EYS: variants seen among roughly 807,000 people sequenced by gnomAD.
The protein encoded by EYS is EGF-like photoreceptor maintenance factor.
In EYS, 250 loss-of-function variants were observed where a neutral mutation model predicts 282.1. That is an observed-to-expected ratio of 0.89 (90% CI 0.80 to 0.98). The LOEUF (loss-of-function observed/expected upper bound fraction) is 0.98. Ranked by LOEUF, EYS falls within the 50% of genes least tolerant of loss-of-function variation. The pLI is 0.00. For missense variants in EYS, 4,016 were observed against 3,709.0 expected (o/e 1.08, Z -2.15); for synonymous variants, 1,355 against 1,282.9 (o/e 1.06, Z -1.20).
intron 14 of EYS, among the ~76,000 whole-genome samples, chr6:64,992,392 T>C (rs934504524): frequency 4.0e-5 from 6 of 151,852 alleles, no homozygotes; most frequent in African/African-American, 1.5e-4. Context: ...TTCTCTAAGC[T>C]TACAAGTTGT....
At chr6:64,155,787 T>C (rs1582354396) in intron 31 of EYS, among the ~76,000 whole-genome samples, 1 of 152,108 alleles carries the variant, frequency 6.6e-6, no homozygotes, top group African/African-American at 2.4e-5. Flanking sequence ...ATTTTTAAAA[T>C]ATTGCATTGT....
chr6:65,406,042 T>C (rs1766722329), intron 5 of EYS, among the ~76,000 whole-genome samples: 1 of 152,124 alleles, frequency 6.6e-6, no homozygotes, highest in South Asian at 2.1e-4. Context: ...CCACCAGTGA[T>C]GTGTCAGATT....
At chr6:63,925,014 A>G (rs924006474) in intron 35 of EYS, among the ~76,000 whole-genome samples, 7 of 152,188 alleles carry the variant, frequency 4.6e-5, no homozygotes. Flanking sequence ...TCATATGTAT[A>G]GTTTGGGTTT....
chr6:65,340,701 A>C (rs1198328102), intron 10 of EYS, among the ~76,000 whole-genome samples: 4 of 151,142 alleles, frequency 2.6e-5, no homozygotes, highest in Admixed American at 1.3e-4. Context: ...AACTTTCCAC[A>C]ACTTCTCCCA....
intron 5 of EYS, among the ~76,000 whole-genome samples, chr6:65,430,290 A>G (rs10455581): frequency 0.2 from 30,259 of 152,108 alleles, 3,768 homozygotes; most frequent in Non-Finnish European, 0.26. Flanking sequence ...GAGCAGAAAG[A>G]AAAACCAGAC....
chr6:63,721,790 A>G lies in EYS; in HGVS notation c.8241T>C (p.Phe2747=). The stretch of plus-strand genomic sequence containing the variant: ...AACTATTTACTAAAGAGATGCATAA[A>G]AAATCACCTGCAAGAAAGCAAACAG... ...AQHLKAQSGD[F]LCISLVNSSV... The change falls in exon 43 of 43, where the codon TTT becomes TTC. Residue 2747 remains phenylalanine, a synonymous_variant. Coordinates refer to ENST00000503581, the MANE Select transcript of EYS (RefSeq NM_001142800.2). 6.5e-7 allele frequency: 1 copy of G among 1,540,372 alleles called. No homozygotes were observed. The highest frequency in any genetic ancestry group is 8.8e-7 in the Non-Finnish European group (1 of 1,141,422).
At chr6:63,798,985 G>GTATATATATATATA (rs1211498823) in intron 37 of EYS, among the ~76,000 whole-genome samples, 9 of 87,514 alleles carry the variant, frequency 1.0e-4, no homozygotes, top group African/African-American at 3.3e-4. Flanking sequence ...ATGTATATGT[G>GTATATATATATATA]TGTATATATA....
At chr6:65,181,678 T>C (rs979978938) in intron 12 of EYS, among the ~76,000 whole-genome samples, 1 of 152,134 alleles carries the variant, frequency 6.6e-6, no homozygotes, top group East Asian at 1.9e-4. Flanking sequence ...GAACTAGAAA[T>C]ACCATTTGAC....
At chr6:65,604,842 C>CCCTT (rs35924341) in intron 2 of EYS, among the ~76,000 whole-genome samples, 5 of 130,414 alleles carry the variant, frequency 3.8e-5, no homozygotes, top group Non-Finnish European at 3.3e-5. Context: ...TCACTGCCCC[C>CCCTT]TTTTTTTTTT....
intron 26 of EYS, among the ~76,000 whole-genome samples, chr6:64,449,034 G>A (rs897012670): frequency 1.3e-5 from 2 of 152,136 alleles, no homozygotes; most frequent in Admixed American, 1.3e-4. Flanking sequence ...GAGAGAGGAA[G>A]GCTTCAGAAG....
chr6:63,950,982 C>T (rs1765569569), intron 35 of EYS, among the ~76,000 whole-genome samples: 1 of 152,030 alleles, frequency 6.6e-6, no homozygotes, highest in Admixed American at 6.6e-5. Flanking sequence ...TGATTATTCA[C>T]CGACATTTCA....
intron 33 of EYS, among the ~76,000 whole-genome samples, chr6:64,039,824 CT>C (rs1562168852): frequency 1.3e-5 from 2 of 151,968 alleles, no homozygotes; most frequent in African/African-American, 4.8e-5. Flanking sequence ...CATAATTTCC[CT>C]TTTCTTTTAT....
chr6:63,966,401 T>A (rs891230758), intron 35 of EYS, among the ~76,000 whole-genome samples: 1 of 152,120 alleles, frequency 6.6e-6, no homozygotes, highest in Non-Finnish European at 1.5e-5. Context: ...ACTACAAATA[T>A]GGTGCAGTGT....
chr6:64,450,176 C>T (rs12175240), intron 26 of EYS, among the ~76,000 whole-genome samples: 41,998 of 151,040 alleles, frequency 0.28, 5,932 homozygotes, highest in East Asian at 0.47. Context: ...ACCAAGCAAA[C>T]AGAAGACAAA....
Position 65,014,356 on chromosome 6 carries a change from T to TA in EYS, c.2138-16654dup, listed in dbSNP as rs199731775. Among the ~76,000 whole-genome samples, 975 of 152,196 alleles carry TA rather than the reference T, an allele frequency of 6.4e-3. 18 individuals carry two copies. The highest frequency in any genetic ancestry group is 0.021 in the African/African-American group (874 of 41,538). ...TTTTTGACTTGCAGAAATTGTAAAATAAAAAATGTGACTTGTATTAAATCT... is the reference window on the plus strand; with the variant it reads ...TTTTTGACTTGCAGAAATTGTAAAATAAAAAAATGTGACTTGTATTAAATCT... On this transcript the variant is annotated intron_variant, in intron 13 of 42. Transcript: ENST00000503581.
chr6:64,383,428 G>T (rs1452286767), intron 29 of EYS, among the ~76,000 whole-genome samples: 2 of 152,222 alleles, frequency 1.3e-5, no homozygotes, highest in Non-Finnish European at 2.9e-5. Flanking sequence ...ATCTGATAAT[G>T]TCTTGACTTG....
At chr6:65,432,295 A>G (rs902703597) in intron 5 of EYS, among the ~76,000 whole-genome samples, 1 of 152,158 alleles carries the variant, frequency 6.6e-6, no homozygotes, top group African/African-American at 2.4e-5. Context: ...AAAATAATGA[A>G]CAAAACAGAT....
At chr6:65,107,098 G>T (rs1303137090) in intron 12 of EYS, among the ~76,000 whole-genome samples, 5 of 151,872 alleles carry the variant, frequency 3.3e-5, no homozygotes, top group Admixed American at 2.6e-4. Context: ...ATAGGTAAGG[G>T]ATACAGGAGA....
intron 1 of EYS, among the ~76,000 whole-genome samples, chr6:65,671,900 TTGA>T (rs1562320170): frequency 1.3e-5 from 2 of 151,990 alleles, no homozygotes; most frequent in African/African-American, 4.8e-5. Context: ...TCTTCCCTAT[TTGA>T]ATCTAAGTGC....
Sources: allele counts gnomAD v4.1 joint callset (sites outside exome capture counted in the v4.1 genomes callset), GRCh38; gene constraint gnomAD v4.1.1; transcripts MANE v1.5; gene names NCBI Gene and HGNC (gene_info 2026-07-23, HGNC 2026-07-21).